SGCD: variants seen among roughly 807,000 people sequenced by gnomAD.
SGCD encodes delta-sarcoglycan.
A neutral mutation model predicts 36.6 loss-of-function variants in SGCD; 18 were observed. That is an observed-to-expected ratio of 0.49 (90% CI 0.34 to 0.73). SGCD has a LOEUF of 0.73. Ranked by LOEUF, SGCD falls within the 30% of genes least tolerant of loss-of-function variation. The pLI is 0.01. For synonymous variants in SGCD, 133 were observed against 130.6 expected, an observed-to-expected ratio of 1.02 and a Z score of -0.12; for missense variants, 387 against 346.7, an observed-to-expected ratio of 1.12 and a Z score of -0.92.
intron 3 of SGCD, among the ~76,000 whole-genome samples, chr5:156,384,040 C>A (rs140615): frequency 6.6e-6 from 1 of 151,898 alleles, no homozygotes; most frequent in East Asian, 1.9e-4. Flanking sequence ...ATATGTATTT[C>A]GGTGTGTACA....
At chr5:156,719,283 C>A (rs1755372199) in intron 7 of SGCD, among the ~76,000 whole-genome samples, 1 of 152,000 alleles carries the variant, frequency 6.6e-6, no homozygotes, top group African/African-American at 2.4e-5. Flanking sequence ...TCTATTGAGA[C>A]TTTCAACTGA....
intron 3 of SGCD, among the ~76,000 whole-genome samples, chr5:156,396,163 C>G (rs375933780): frequency 6.6e-6 from 1 of 152,200 alleles, no homozygotes. Context: ...TCCCCTGGAA[C>G]GATTTAATTT....
In SGCD at chr5:156,223,651, CTG is replaced by C. The variant is rs1764775718; in HGVS notation, c.-44+99636_-44+99637del. On this transcript the variant is annotated intron_variant, in intron 3 of 9. Transcript: ENST00000517913. ...ATTTGTGATAATGAGGGCCAGAATG[CTG>C]TGTTTATGAGAATGGAGAGCATGGG... 4.6e-5 allele frequency among the ~76,000 whole-genome samples: 7 copies of C among 152,084 alleles called. No homozygotes were observed. The South Asian group carries it at 1.5e-3, about 32-fold the overall frequency.
At position 156,256,207 on chromosome 5, in the gene SGCD, T is replaced by G. The variant is rs976597698; in HGVS notation, c.-43-73327T>G. ...TTTCAGAATAAAAACTCTGTTATTT[T>G]GTTTAATAAGCATGCAATAAAATGT... On this transcript the variant is annotated intron_variant, in intron 3 of 9. Transcript: ENST00000517913. Among the ~76,000 whole-genome samples, 6 of 152,360 alleles carry G rather than the reference T, an allele frequency of 3.9e-5. No homozygotes were observed. In the East Asian group the frequency reaches 9.6e-4, roughly 24 times the overall value.
At chr5:155,921,719 A>G (rs571109816) in intron 1 of SGCD, among the ~76,000 whole-genome samples, 11 of 152,300 alleles carry the variant, frequency 7.2e-5, no homozygotes, top group African/African-American at 2.6e-4. Flanking sequence ...TATATAATAA[A>G]CATTGGTCAG....
intron 3 of SGCD, among the ~76,000 whole-genome samples, chr5:156,410,173 T>C (rs2127768903): frequency 6.6e-6 from 1 of 152,220 alleles, no homozygotes; most frequent in African/African-American, 2.4e-5. Flanking sequence ...ATAAAGAAAA[T>C]ATGGTATATA....
At chr5:156,454,855 G>A (rs1179267668) in intron 3 of SGCD, among the ~76,000 whole-genome samples, 1 of 152,098 alleles carries the variant, frequency 6.6e-6, no homozygotes, top group Non-Finnish European at 1.5e-5. Context: ...AGGTTGTAAT[G>A]TTGCTGAGGA....
At chr5:156,269,513 A>C (rs1766111949) in intron 3 of SGCD, among the ~76,000 whole-genome samples, 3 of 142,138 alleles carry the variant, frequency 2.1e-5, no homozygotes, top group Admixed American at 7.2e-5. Flanking sequence ...AAAAAAAACC[A>C]TCAGATCTCA....
rs551072339 is a variant in SGCD at position 156,204,368 on chromosome 5, G to A, written c.-44+80349G>A. 4.7e-4 allele frequency among the ~76,000 whole-genome samples: 71 copies of A among 151,882 alleles called. 1 individual carries two copies. The highest frequency in any genetic ancestry group is 1.4e-3 in the African/African-American group (60 of 41,468). On this transcript the variant is annotated intron_variant, in intron 3 of 9. Transcript: ENST00000517913. ...TTCACATCATTTCTTGAGGGCTTGC[G>A]GTGTGTATATTGTTATATGCTAAGT...
intron 4 of SGCD, among the ~76,000 whole-genome samples, chr5:156,584,066 T>C (rs947466156): frequency 6.6e-6 from 1 of 152,204 alleles, no homozygotes; most frequent in Non-Finnish European, 1.5e-5. Context: ...ACAAACGTTT[T>C]CTTACATCAA....
intron 1 of SGCD, among the ~76,000 whole-genome samples, chr5:155,967,359 A>G (rs1757922098): frequency 6.6e-6 from 1 of 152,068 alleles, no homozygotes; most frequent in African/African-American, 2.4e-5. Context: ...TTGTGAAACC[A>G]GCTGCCATGA....
rs974738720 is a variant in SGCD at position 156,240,381 on chromosome 5, G to T, written c.-43-89153G>T. Among the ~76,000 whole-genome samples, 86 of 152,242 alleles carry T rather than the reference G, an allele frequency of 5.6e-4. 1 individual carries two copies. The highest frequency in any genetic ancestry group is 2.0e-3 in the African/African-American group (82 of 41,536). ...GCCCTATCAGTCTGAATGCTTGGGGGAATGCTAACAAAATAGAAAAGATCA... is the reference window on the plus strand; with the variant it reads ...GCCCTATCAGTCTGAATGCTTGGGGTAATGCTAACAAAATAGAAAAGATCA... On this transcript the variant is annotated intron_variant, in intron 3 of 9. Transcript: ENST00000517913.
chr5:156,685,320 G>GA, intron 7 of SGCD, among the ~76,000 whole-genome samples: 1 of 151,924 alleles, frequency 6.6e-6, no homozygotes, highest in South Asian at 2.1e-4. Flanking sequence ...GAAGATGGTA[G>GA]AAAAAAAAGC....
At chr5:155,877,742 A>G (rs1247221410) in intron 1 of SGCD, among the ~76,000 whole-genome samples, 1 of 152,090 alleles carries the variant, frequency 6.6e-6, no homozygotes, top group Non-Finnish European at 1.5e-5. Flanking sequence ...TTTTATGTGA[A>G]TAAAAAGGAG....
chr5:156,254,826 G>A (rs375226458), intron 3 of SGCD, among the ~76,000 whole-genome samples: 31 of 152,234 alleles, frequency 2.0e-4, no homozygotes, highest in Middle Eastern at 6.8e-3. Context: ...CAGCTTGGAC[G>A]ACACAGCAAG....
chr5:156,648,853 T>G (rs1164426292), intron 7 of SGCD, among the ~76,000 whole-genome samples: 1 of 152,108 alleles, frequency 6.6e-6, no homozygotes, highest in Admixed American at 6.6e-5. Flanking sequence ...AGTTATTGCC[T>G]GAGAGTGCAG....
chr5:156,178,715 G>A (rs6861175), intron 3 of SGCD, among the ~76,000 whole-genome samples: 91,495 of 151,354 alleles, frequency 0.6, 28,663 homozygotes, highest in East Asian at 0.94. Flanking sequence ...AGCTGGGATT[G>A]CAGGCATGGG....
rs1165448434 is a variant in SGCD at position 156,168,014 on chromosome 5, G to C, written c.-44+43995G>C. ...TTAGTTTTGTGGCCTTGAGCAAGTGGCTTAAACTTTCTGTGCCTCAGAGAA... is the reference window on the plus strand; with the variant it reads ...TTAGTTTTGTGGCCTTGAGCAAGTGCCTTAAACTTTCTGTGCCTCAGAGAA... On this transcript the variant is annotated intron_variant, in intron 3 of 9. Coordinates refer to the SGCD transcript ENST00000517913. Among the ~76,000 whole-genome samples the C allele has an allele frequency of 3.3e-5, 5 of 152,298 alleles. No homozygotes were observed. In the East Asian group the frequency reaches 7.7e-4, roughly 24 times the overall value.
In SGCD at chr5:156,344,624, C is replaced by G; in HGVS notation, c.139C>G (p.Leu47Val). 1 of 1,611,854 alleles carries G rather than the reference C, an allele frequency of 6.2e-7. No individual in the cohort carries two copies. Among genetic ancestry groups the G allele is most frequent in the Non-Finnish European group, 8.5e-7 (1 of 1,178,924 alleles). Reference protein sequence around the residue: ...FFVLLLMILILVNLAMTIWIL... With the variant: ...FFVLLLMILIVVNLAMTIWIL... ...TGTCCTGCTCCTCATGATTTTAATA[C>G]TGGTGAACTTGGCCATGACCATCTG... is the stretch of plus-strand genomic sequence containing the variant. The change falls in exon 3 of 9, where the codon CTG becomes GTG. Residue 47 changes from leucine to valine, a missense_variant. Leu to Val is a conservative substitution (Grantham distance 32, BLOSUM62 1). Transcript: ENST00000337851.
Sources: allele counts gnomAD v4.1 joint callset (sites outside exome capture counted in the v4.1 genomes callset), GRCh38; gene constraint gnomAD v4.1.1; transcripts MANE v1.5; gene names NCBI Gene and HGNC (gene_info 2026-07-23, HGNC 2026-07-21).